Variants in BCL2L13 observed in about 807,000 individuals in gnomAD.
BCL2L13 encodes the protein bcl-2-like protein 13.
Under a neutral mutation model 25.8 loss-of-function variants are expected in BCL2L13, and 13 were observed. The observed-to-expected ratio is 0.50, with a 90% CI of 0.33 to 0.80. The LOEUF (loss-of-function observed/expected upper bound fraction) is 0.80. BCL2L13 is among the 30% of genes least tolerant of loss of function. The pLI, the probability that BCL2L13 is intolerant of heterozygous loss-of-function variation, is 0.02. For synonymous variants in BCL2L13, 244 were observed against 230.3 expected, an observed-to-expected ratio of 1.06 and a Z score of -0.54; for missense variants, 504 against 574.9, an observed-to-expected ratio of 0.88 and a Z score of 1.26.
At chr22:17,666,836 C>T (rs1269766961) in intron 2 of BCL2L13, among the ~76,000 whole-genome samples, 4 of 152,068 alleles carry the variant, frequency 2.6e-5, no homozygotes, top group African/African-American at 4.8e-5. Flanking sequence ...TACAGGCATG[C>T]GCCACCATGC....
intron 6 of BCL2L13, among the ~76,000 whole-genome samples, chr22:17,708,180 AG>A (rs2060644480): frequency 6.6e-6 from 1 of 152,040 alleles, no homozygotes; most frequent in South Asian, 2.1e-4. Flanking sequence ...TTAATTGAAG[AG>A]TTTAATGCAT....
chr22:17,719,843 A>AC (rs1569013629), intron 6 of BCL2L13, among the ~76,000 whole-genome samples: 12 of 103,508 alleles, frequency 1.2e-4, no homozygotes, highest in African/African-American at 2.4e-4. Context: ...AAAAAAAAAA[A>AC]AAAAAAAGAA....
At chr22:17,667,207 A>G (rs1039152628) in intron 2 of BCL2L13, among the ~76,000 whole-genome samples, 28 of 151,548 alleles carry the variant, frequency 1.8e-4, no homozygotes, top group African/African-American at 6.8e-4. Flanking sequence ...TTCCCCCCCA[A>G]CCCCACCAGG....
chr22:17,635,857 G>C (rs371745110), upstream of BCL2L13, among the ~76,000 whole-genome samples: 4 of 138,014 alleles, frequency 2.9e-5, no homozygotes, highest in East Asian at 2.2e-4. Context: ...CTGAAGGTGC[G>C]CGCCACCATG....
At chr22:17,690,044 A>T (rs1015914149) in intron 4 of BCL2L13, among the ~76,000 whole-genome samples, 1 of 151,744 alleles carries the variant, frequency 6.6e-6, no homozygotes, top group Non-Finnish European at 1.5e-5. Flanking sequence ...CAAATCATTT[A>T]TTATAAATAT....
chr22:17,699,645 A>C (rs1226488779), intron 5 of BCL2L13, among the ~76,000 whole-genome samples: 1 of 152,234 alleles, frequency 6.6e-6, no homozygotes, highest in Non-Finnish European at 1.5e-5. Context: ...AAAGAATCAA[A>C]GATAAAACTA....
intron 2 of BCL2L13, among the ~76,000 whole-genome samples, chr22:17,656,900 C>T (rs2058889657): frequency 6.6e-6 from 1 of 152,062 alleles, no homozygotes; most frequent in African/African-American, 2.4e-5. Flanking sequence ...CTCACTGTAA[C>T]CTCTGCCTCC....
In BCL2L13 at chr22:17,638,771, C is replaced by G; in HGVS notation, c.-166C>G. 3 of 1,231,680 alleles carry G rather than the reference C, an allele frequency of 2.4e-6. No homozygotes were observed. Among genetic ancestry groups the G allele is most frequent in the Non-Finnish European group, 3.0e-6 (3 of 987,934 alleles). The allele number at this position is 1,231,680 out of a possible 1,614,324, so 76.3% of individuals were successfully genotyped here. ...GGGGTGACCTCACCCTCCAACATGG[C>G]GGCGGCGGTAGATTAGGGCCGCGGG... On this transcript the variant is annotated 5_prime_UTR_variant, in exon 1 of 7. Transcript: ENST00000317582.
upstream of BCL2L13, among the ~76,000 whole-genome samples, chr22:17,635,749 G>A (rs567910222): frequency 1.3e-5 from 2 of 151,004 alleles, no homozygotes; most frequent in African/African-American, 2.4e-5. Flanking sequence ...TCACTCTGTC[G>A]CCCAGGCTGG....
intron 2 of BCL2L13, among the ~76,000 whole-genome samples, chr22:17,670,578 T>C (rs1053223069): frequency 1.3e-5 from 2 of 152,070 alleles, no homozygotes; most frequent in South Asian, 4.1e-4. Context: ...TTCTCCATGT[T>C]GGTCAGGCTG....
At chr22:17,670,023 A>G (rs1008455447) in intron 2 of BCL2L13, among the ~76,000 whole-genome samples, 1 of 152,170 alleles carries the variant, frequency 6.6e-6, no homozygotes, top group African/African-American at 2.4e-5. Context: ...TTGAAAAGTT[A>G]TTCTTTCTCC....
In BCL2L13 at chr22:17,645,828, C is replaced by T. The variant is rs75826670; in HGVS notation, c.-51+6942C>T. Among the ~76,000 whole-genome samples, 1,055 of 151,450 alleles carry T rather than the reference C, an allele frequency of 7.0e-3. 47 individuals carry two copies. The highest frequency in any genetic ancestry group is 0.024 in the African/African-American group (991 of 40,784). On this transcript the variant is annotated intron_variant, in intron 1 of 6. Coordinates refer to ENST00000317582, the MANE Select transcript of BCL2L13 (RefSeq NM_015367.4). ...TTGGCTAGCAACCACAGTTGGCCCT[C>T]TTTATCCAGTTTCCATATCTCTGCA...
At chr22:17,711,315 T>TTTTTTTTTTTTTTTTG (rs2060753787) in intron 6 of BCL2L13, among the ~76,000 whole-genome samples, 2 of 150,596 alleles carry the variant, frequency 1.3e-5, no homozygotes, top group Non-Finnish European at 3.0e-5. Context: ...TTTTTTTTTT[T>TTTTTTTTTTTTTTTTG]GAGACAGGGT....
rs1179341805 is a variant in BCL2L13 at position 17,702,536 on chromosome 22, T to A, written c.600+150T>A. On this transcript the variant is annotated intron_variant, in intron 6 of 6. Coordinates refer to ENST00000317582, the MANE Select transcript of BCL2L13 (RefSeq NM_015367.4). The stretch of plus-strand genomic sequence containing the variant: ...ATGGCAGGCTTCGGTCTCAAACTCC[T>A]GGGCTCAAGTGATCCTGCCTCAGGT... 1.0e-5 allele frequency: 7 copies of A among 678,684 alleles called. No individual in the cohort carries two copies. In the South Asian group the frequency reaches 2.1e-4, roughly 20 times the overall value. 42.0% of individuals were successfully genotyped at this position (678,684 alleles called of 1,614,324 possible).
intron 1 of BCL2L13, among the ~76,000 whole-genome samples, chr22:17,632,470 C>T (rs1449134919): frequency 6.6e-6 from 1 of 152,044 alleles, no homozygotes; most frequent in Non-Finnish European, 1.5e-5. Flanking sequence ...TCTTCATTGT[C>T]CTAAAAAACA....
chr22:17,706,028 C>G (rs997568162), intron 6 of BCL2L13, among the ~76,000 whole-genome samples: 1 of 152,172 alleles, frequency 6.6e-6, no homozygotes, highest in African/African-American at 2.4e-5. Flanking sequence ...ATGGCTAGGA[C>G]TTAGAAACAG....
chr22:17,725,025 T>C (rs2061256790), intron 6 of BCL2L13, among the ~76,000 whole-genome samples: 1 of 152,202 alleles, frequency 6.6e-6, no homozygotes, highest in Admixed American at 6.5e-5. Flanking sequence ...ACAACCCTGA[T>C]AAGCAGTAGG....
chr22:17,632,823 G>T (rs1457169642), intron 1 of BCL2L13, among the ~76,000 whole-genome samples: 2 of 141,078 alleles, frequency 1.4e-5, no homozygotes, highest in African/African-American at 5.3e-5. Context: ...GTGCAATCTT[G>T]GCTCACTGCA....
At chr22:17,658,440 C>A (rs549067595) in intron 2 of BCL2L13, among the ~76,000 whole-genome samples, 1 of 152,018 alleles carries the variant, frequency 6.6e-6, no homozygotes, top group Non-Finnish European at 1.5e-5. Flanking sequence ...TGCCTGTAAT[C>A]CCAGCACTTT....
Sources: allele counts gnomAD v4.1 joint callset (sites outside exome capture counted in the v4.1 genomes callset), GRCh38; gene constraint gnomAD v4.1.1; transcripts MANE v1.5; gene names NCBI Gene and HGNC (gene_info 2026-07-23, HGNC 2026-07-21).